The following RPTOR variants were observed in gnomAD, a reference collection of about 807,000 sequenced individuals.
RPTOR encodes regulatory associated protein of MTOR complex 1, also known as regulatory-associated protein of mTOR.
Under a neutral mutation model 169.9 loss-of-function variants are expected in RPTOR, and 21 were observed. That is an observed-to-expected ratio of 0.12 (90% CI 0.09 to 0.18). The LOEUF (loss-of-function observed/expected upper bound fraction) is 0.18. Ranked by LOEUF, RPTOR falls within the 10% of genes least tolerant of loss-of-function variation. The pLI, the probability that RPTOR is intolerant of heterozygous loss-of-function variation, is 1.00. For missense variants in RPTOR, 1,133 were observed against 1,855.9 expected, an observed-to-expected ratio of 0.61 and a Z score of 7.16; for synonymous variants, 732 against 753.2, an observed-to-expected ratio of 0.97 and a Z score of 0.46.
chr17:80,772,602 C>G (rs2066855855), intron 6 of RPTOR, among the ~76,000 whole-genome samples: 1 of 148,230 alleles, frequency 6.7e-6, no homozygotes, highest in East Asian at 2.0e-4. Flanking sequence ...TGAGGGGCAG[C>G]TGCCCCCATT....
At chr17:80,620,748 A>G (rs987199236) in intron 1 of RPTOR, among the ~76,000 whole-genome samples, 6 of 152,276 alleles carry the variant, frequency 3.9e-5, no homozygotes, top group Non-Finnish European at 7.3e-5. Flanking sequence ...CGTGGTCAAC[A>G]GAGCAAGAGT....
chr17:80,891,774 A>G lies in RPTOR; in HGVS notation c.2038A>G (p.Thr680Ala). The G allele has an allele frequency of 6.2e-7, 1 of 1,614,092 alleles. No homozygotes were observed. Among genetic ancestry groups the G allele is most frequent in the South Asian group, 1.1e-5 (1 of 91,072 alleles). Residue 680 changes from threonine (T) to alanine (A), a missense_variant, in exon 18 of 34, where the codon ACC becomes GCC. Thr to Ala is a moderately conservative substitution (Grantham distance 58). Transcript: ENST00000306801. ...GGTTCAGTATGAAAGCAATTTCTGC[A>G]CCGTGGCCCTGCAGTTCATAGAAGA... ...LVVQYESNFC[T>A]VALQFIEEEK...
At chr17:80,552,594 A>G (rs1486404311) in intron 1 of RPTOR, among the ~76,000 whole-genome samples, 1 of 152,250 alleles carries the variant, frequency 6.6e-6, no homozygotes, top group Non-Finnish European at 1.5e-5. Context: ...GTAGGGATTC[A>G]ACAAAACTAT....
chr17:80,598,241 T>C (rs767724206), intron 1 of RPTOR, among the ~76,000 whole-genome samples: 1 of 152,112 alleles, frequency 6.6e-6, no homozygotes, highest in Admixed American at 6.6e-5. Flanking sequence ...AGATACTATA[T>C]GATGCCATTT....
intron 1 of RPTOR, among the ~76,000 whole-genome samples, chr17:80,591,166 C>CTCCCCTCTCCTCCCTTCCCTTCTG (rs2065102563): frequency 3.6e-4 from 1 of 2,768 alleles, no homozygotes; most frequent in Non-Finnish European, 8.5e-4. Flanking sequence ...CCTCCCCTCC[C>CTCCCCTCTCCTCCCTTCCCTTCTG]TTCCCTTCCC....
intron 11 of RPTOR, among the ~76,000 whole-genome samples, chr17:80,854,078 CAATAAG>C (rs1248778426): frequency 1.3e-5 from 2 of 151,984 alleles, no homozygotes; most frequent in Non-Finnish European, 2.9e-5. Context: ...TCTGACATGT[CAATAAG>C]AAAAAGCCAC....
At position 80,707,346 on chromosome 17, in the gene RPTOR, T is replaced by A. The variant is rs2066149524; in HGVS notation, c.349-495T>A. Among the ~76,000 whole-genome samples, 2 of 152,228 alleles carry A rather than the reference T, an allele frequency of 1.3e-5. No individual in the cohort carries two copies. Among genetic ancestry groups the A allele is most frequent in the African/African-American group, 2.4e-5 (1 of 41,470 alleles). On this transcript the variant is annotated intron_variant, in intron 3 of 33. Coordinates refer to ENST00000306801, the MANE Select transcript of RPTOR (RefSeq NM_020761.3). The surrounding 1 kb of genome is among the most constrained non-coding windows in gnomAD (Gnocchi z 5.0). The stretch of plus-strand genomic sequence containing the variant: ...ATCTCATTGTTGTTCCTAGTAGTTC[T>A]CAATGTTTGTTGAATGAATATTTAT...
At chr17:80,777,316 A>C (rs1036567606) in intron 6 of RPTOR, among the ~76,000 whole-genome samples, 1 of 152,142 alleles carries the variant, frequency 6.6e-6, no homozygotes, top group African/African-American at 2.4e-5. Context: ...TCATCTGGAT[A>C]GTAAAGATCA....
At chr17:80,839,287 T>A (rs1192283930) in intron 10 of RPTOR, among the ~76,000 whole-genome samples, 2 of 152,242 alleles carry the variant, frequency 1.3e-5, no homozygotes, top group Admixed American at 1.3e-4. Context: ...TTCTTTTTTA[T>A]AATCTTCTGT....
intron 2 of RPTOR, among the ~76,000 whole-genome samples, chr17:80,626,298 A>T (rs1255506399): frequency 6.6e-6 from 1 of 151,322 alleles, no homozygotes; most frequent in Non-Finnish European, 1.5e-5. Context: ...TGATCCGCCC[A>T]CCTCAGCCTC....
chr17:80,662,430 GT>G (rs1232897539), intron 3 of RPTOR, among the ~76,000 whole-genome samples: 1 of 151,994 alleles, frequency 6.6e-6, no homozygotes, highest in Non-Finnish European at 1.5e-5. Context: ...AGAGACTAGG[GT>G]TTTTATGGAT....
chr17:80,814,138 C>CA (rs1016075500), intron 7 of RPTOR, among the ~76,000 whole-genome samples: 1 of 151,980 alleles, frequency 6.6e-6, no homozygotes, highest in South Asian at 2.1e-4. Context: ...GACCTCATCT[C>CA]AAAAAAATTT....
At chr17:80,644,017 G>A (rs1191240378) in intron 3 of RPTOR, among the ~76,000 whole-genome samples, 1 of 152,246 alleles carries the variant, frequency 6.6e-6, no homozygotes, top group Non-Finnish European at 1.5e-5. Flanking sequence ...GCATTATTGT[G>A]AGTCTTGCAT....
chr17:80,843,000 C>T (rs143702087), intron 10 of RPTOR, among the ~76,000 whole-genome samples: 2 of 152,246 alleles, frequency 1.3e-5, no homozygotes, highest in African/African-American at 4.8e-5. Context: ...TAATGACAAA[C>T]TCTACGTGAC....
At chr17:80,851,837 G>A (rs563283526) in intron 11 of RPTOR, among the ~76,000 whole-genome samples, 14 of 152,178 alleles carry the variant, frequency 9.2e-5, no homozygotes, top group African/African-American at 1.7e-4. Context: ...TCTTCGCCCC[G>A]TCCTGCCACT....
chr17:80,760,303 TTTTC>T (rs1486978663), intron 6 of RPTOR, among the ~76,000 whole-genome samples: 35 of 135,618 alleles, frequency 2.6e-4, no homozygotes, highest in African/African-American at 9.5e-4. Flanking sequence ...CTTTTTTCTT[TTTTC>T]TTTTTTTTTT....
chr17:80,584,375 T>G lies in RPTOR; in HGVS notation c.162+38584T>G, dbSNP rs558485163. 1.3e-4 allele frequency among the ~76,000 whole-genome samples: 19 copies of G among 151,932 alleles called. No individual in the cohort carries two copies. The East Asian group carries it at 3.5e-3, about 28-fold the overall frequency. ...TAAAAAAAAATGAAAAAATAATAAT[T>G]TAAACCTTATAAGGTGACTCATAAA... On this transcript the variant is annotated intron_variant, in intron 1 of 33. Coordinates refer to ENST00000306801, the MANE Select transcript of RPTOR (RefSeq NM_020761.3).
chr17:80,923,337 C>A (rs1195138089), intron 22 of RPTOR, among the ~76,000 whole-genome samples, 153 bp from the exon 23 acceptor site: 4 of 152,178 alleles, frequency 2.6e-5, no homozygotes, highest in African/African-American at 9.7e-5. Flanking sequence ...AGCTGGGGTT[C>A]GGGAGCCATG....
intron 2 of RPTOR, among the ~76,000 whole-genome samples, chr17:80,626,718 GTT>G (rs34961841): frequency 4.9e-4 from 68 of 138,638 alleles, no homozygotes; most frequent in Non-Finnish European, 8.8e-4. Flanking sequence ...TCCAGAGACT[GTT>G]TTTTTTTTTT....
Sources: gnomAD v4.1 joint callset for allele counts (sites outside exome capture counted in the v4.1 genomes callset) on GRCh38, gnomAD v4.1.1 for gene constraint, Gnocchi (gnomAD v3.1) non-coding constraint, MANE v1.5 for transcripts, NCBI Gene and HGNC (gene_info 2026-07-23, HGNC 2026-07-21) for gene names.